Variants in SAR1A observed in about 807,000 individuals in gnomAD.
SAR1A encodes the protein small COPII coat GTPase SAR1A.
SAR1A carries 6 observed loss-of-function variants against 22.6 expected under a neutral mutation model. That is an observed-to-expected ratio of 0.27 (90% CI 0.15 to 0.52). The LOEUF is 0.52. Ranked by LOEUF, SAR1A falls within the 20% of genes least tolerant of loss-of-function variation. The pLI is 0.96. For synonymous variants in SAR1A, 70 were observed against 82.2 expected (o/e 0.85, Z 0.80); for missense variants, 145 against 245.1 (o/e 0.59, Z 2.73).
intron 1 of SAR1A, among the ~76,000 whole-genome samples, chr10:70,169,579 T>A (rs1352928139): frequency 6.6e-6 from 1 of 152,188 alleles, no homozygotes; most frequent in Non-Finnish European, 1.5e-5. Flanking sequence ...ATTAGCCAAT[T>A]TAAAAATTTA....
At chr10:70,166,995 G>A (rs1237725588) in intron 1 of SAR1A, among the ~76,000 whole-genome samples, 1 of 151,704 alleles carries the variant, frequency 6.6e-6, no homozygotes, top group Admixed American at 6.6e-5. Context: ...GCAAGACCCT[G>A]TCTCAAGAAA....
At position 70,152,107 on chromosome 10, in the gene SAR1A, T is replaced by G; in HGVS notation, c.*369A>C. 3.8e-6 allele frequency: 1 copy of G among 266,166 alleles called. No homozygotes were observed. The highest frequency in any genetic ancestry group is 7.6e-6 in the Non-Finnish European group (1 of 131,524). 16.5% of individuals were successfully genotyped at this position (266,166 alleles called of 1,614,324 possible). A position where few individuals can be genotyped will look rare whatever the true frequency, so the allele number is the denominator to read the frequency against. ...TGTGAACTCAAAAAGTTAGGAGGGA[T>G]ACCAATTACATTAACAACGCTTTCT... On this transcript the variant is annotated 3_prime_UTR_variant, in exon 7 of 7. Coordinates refer to ENST00000373241, the MANE Select transcript of SAR1A (RefSeq NM_020150.5).
chr10:70,166,465 T>C (rs1839552097), intron 1 of SAR1A, among the ~76,000 whole-genome samples: 1 of 152,080 alleles, frequency 6.6e-6, no homozygotes, highest in Admixed American at 6.6e-5. Flanking sequence ...TGTAAACAAC[T>C]CTAAAAAACA....
In SAR1A at chr10:70,153,826, T is replaced by C; in HGVS notation, c.480+12A>G. 6.4e-7 allele frequency: 1 copy of C among 1,571,880 alleles called. No individual in the cohort carries two copies. The highest frequency in any genetic ancestry group is 8.6e-7 in the Non-Finnish European group (1 of 1,167,306). ...ATGTCCTTTATATGTAACCCAAATA[T>C]TTTTCTCTTACCTTTCCTGTGGTCT... On this transcript the variant is annotated intron_variant, in intron 6 of 6. Coordinates refer to ENST00000373241, the MANE Select transcript of SAR1A (RefSeq NM_020150.5).
At chr10:70,168,029 C>A (rs2136724804) in intron 1 of SAR1A, among the ~76,000 whole-genome samples, 1 of 152,282 alleles carries the variant, frequency 6.6e-6, no homozygotes, top group South Asian at 2.1e-4. Flanking sequence ...AACCAAACAT[C>A]CTCCTATACT....
chr10:70,161,067 A>T lies in SAR1A; in HGVS notation c.181T>A (p.Ser61Thr). The T allele has an allele frequency of 6.2e-7, 1 of 1,611,398 alleles. No homozygotes were observed. Among genetic ancestry groups the T allele is most frequent in the South Asian group, 1.1e-5 (1 of 90,590 alleles). Reference sequence around the variant, plus strand: ...ATTCCAGCAATTGTTAGCTCTTCTGATGCTGAAAAATTGTTTAAAAAGAAG... The same window carrying T: ...ATTCCAGCAATTGTTAGCTCTTCTGTTGCTGAAAAATTGTTTAAAAAGAAG... ...GQHVPTLHPTSEELTIAGMTF... is the reference protein window; with the variant it reads ...GQHVPTLHPTTEELTIAGMTF... The change falls in exon 4 of 7, where the codon TCA (serine) becomes ACA (threonine). Residue 61 changes from serine to threonine, a missense_variant and splice_region_variant. Coordinates refer to ENST00000373241, the MANE Select transcript of SAR1A (RefSeq NM_020150.5).
chr10:70,166,922 C>T (rs1028491755), intron 1 of SAR1A: 1 of 151,982 alleles, frequency 6.6e-6, no homozygotes, highest in African/African-American at 2.4e-5. Flanking sequence ...ATTGCTTGAG[C>T]CCAGGAATTT....
At chr10:70,168,753 A>G (rs1343820052) in intron 1 of SAR1A, among the ~76,000 whole-genome samples, 1 of 152,136 alleles carries the variant, frequency 6.6e-6, no homozygotes, top group Admixed American at 6.6e-5. Flanking sequence ...TCTTCAGGTG[A>G]GCTAAAAATA....
intron 4 of SAR1A, among the ~76,000 whole-genome samples, chr10:70,159,359 A>T (rs915891152): frequency 2.0e-5 from 3 of 152,210 alleles, no homozygotes; most frequent in Non-Finnish European, 4.4e-5. Flanking sequence ...AGGCTTAACA[A>T]CTAGAAATGA....
In SAR1A at chr10:70,148,812, A is replaced by C. The variant is rs927325512; in HGVS notation, c.*3664T>G. The C allele has an allele frequency of 1.3e-4, 20 of 155,758 alleles. No individual in the cohort carries two copies. Among genetic ancestry groups the C allele is most frequent in the Non-Finnish European group, 2.1e-4 (15 of 71,106 alleles). 9.6% of individuals were successfully genotyped at this position (155,758 alleles called of 1,614,324 possible). On this transcript the variant is annotated 3_prime_UTR_variant, in exon 7 of 7. Coordinates refer to ENST00000373241, the MANE Select transcript of SAR1A (RefSeq NM_020150.5). ...CAAAAAACAAACAAACAAACAAACA[A>C]ACAAACTTTCTCTCTCGAGTCCAGT...
At chr10:70,159,295 AAATT>A (rs1839434923) in intron 4 of SAR1A, among the ~76,000 whole-genome samples, 1 of 152,226 alleles carries the variant, frequency 6.6e-6, no homozygotes, top group African/African-American at 2.4e-5. Flanking sequence ...AATATTAAAT[AAATT>A]AATTAAAATG....
At position 70,152,559 on chromosome 10, in the gene SAR1A, G is replaced by C; in HGVS notation, c.514C>G (p.Pro172Ala). 6.2e-7 allele frequency: 1 copy of C among 1,614,060 alleles called. No homozygotes were observed. The highest frequency in any genetic ancestry group is 8.5e-7 in the Non-Finnish European group (1 of 1,179,986). ...NVTLKELNAR[P>A]MEVFMCSVLK... ...ACACTGCACATGAACACTTCCATGG[G>C]GCGAGCATTCAGCTCCTTCAGGGTC... is the stretch of plus-strand genomic sequence containing the variant. The change falls in exon 7 of 7, where the codon CCC (proline) becomes GCC (alanine). Residue 172 changes from proline (P) to alanine (A), a missense_variant. Pro to Ala is a conservative substitution (Grantham distance 27, BLOSUM62 -1). Around this residue, in one of 3 missense-constraint regions of SAR1A, gnomAD observed 83 missense variants for 114.7 expected, o/e 0.72. Transcript: ENST00000373241.
chr10:70,155,813 GA>G (rs1839380782), intron 5 of SAR1A, among the ~76,000 whole-genome samples: 1 of 152,174 alleles, frequency 6.6e-6, no homozygotes, highest in Non-Finnish European at 1.5e-5. Flanking sequence ...CATATTCAAG[GA>G]TGGCTAAGTT....
rs1380726555 is a variant in SAR1A, at chr10:70,147,595, C to A, written c.*4881G>T. ...AGCATTCTTTAAATATTTTTTCCAA[C>A]CATTTAAATATGTAAAAACCTTTCT... On this transcript the variant is annotated 3_prime_UTR_variant, in exon 7 of 7. Coordinates refer to ENST00000373241, the MANE Select transcript of SAR1A (RefSeq NM_020150.5). 6.6e-6 allele frequency: 1 copy of A among 152,142 alleles called. No individual in the cohort carries two copies. Among genetic ancestry groups the A allele is most frequent in the African/African-American group, 2.4e-5 (1 of 41,428 alleles). 9.4% of individuals were successfully genotyped at this position (152,142 alleles called of 1,614,324 possible). A position where few individuals can be genotyped will look rare whatever the true frequency, so the allele number is the denominator to read the frequency against.
Position 70,170,413 on chromosome 10 carries a change from G to T in SAR1A, c.-17C>A. ...TCCCCGACGCGACCCTCAGACTCAC[G>T]GCCTGAGGGGCTCCTCCGGCAAAAC... On this transcript the variant is annotated splice_region_variant and 5_prime_UTR_variant, in exon 1 of 7. Transcript: ENST00000373241. The T allele has an allele frequency of 6.7e-6, 1 of 149,742 alleles. No homozygotes were observed. The highest frequency in any genetic ancestry group is 1.5e-5 in the Non-Finnish European group (1 of 67,580). 9.3% of individuals were successfully genotyped at this position (149,742 alleles called of 1,614,324 possible).
chr10:70,148,164 C>T lies in SAR1A; in HGVS notation c.*4312G>A, dbSNP rs1839284879. On this transcript the variant is annotated 3_prime_UTR_variant, in exon 7 of 7. Coordinates refer to ENST00000373241, the MANE Select transcript of SAR1A (RefSeq NM_020150.5). ...AAGTGCTGGGATTACAGGCGTGAGC[C>T]ACCGTACCCGGCCATCATTAATTTT... The T allele has an allele frequency of 6.6e-6, 1 of 152,282 alleles. No individual in the cohort carries two copies. Among genetic ancestry groups the T allele is most frequent in the Non-Finnish European group, 1.5e-5 (1 of 68,066 alleles). 9.4% of individuals were successfully genotyped at this position (152,282 alleles called of 1,614,324 possible).
chr10:70,156,658 G>A (rs1839391292), intron 5 of SAR1A, among the ~76,000 whole-genome samples: 1 of 128,804 alleles, frequency 7.8e-6, no homozygotes, highest in Non-Finnish European at 1.7e-5. Context: ...GGGCCACAGA[G>A]GAAGATTCTG....
At chr10:70,162,022 C>A in intron 1 of SAR1A, 91 bp from the exon 2 acceptor site, 1 of 884,036 alleles carries the variant, frequency 1.1e-6, no homozygotes, top group Non-Finnish European at 1.8e-6. Flanking sequence ...CCATGATGCA[C>A]ATTTATAGTC....
At chr10:70,166,401 G>C (rs1839550841) in intron 1 of SAR1A, among the ~76,000 whole-genome samples, 1 of 152,066 alleles carries the variant, frequency 6.6e-6, no homozygotes, top group Admixed American at 6.6e-5. Flanking sequence ...GCACTAAATA[G>C]AAAATAAGAA....
Sources: allele counts gnomAD v4.1 joint callset (sites outside exome capture counted in the v4.1 genomes callset), GRCh38; gene constraint gnomAD v4.1.1; regional missense constraint gnomAD v4.1.1; transcripts MANE v1.5; gene names NCBI Gene and HGNC (gene_info 2026-07-23, HGNC 2026-07-21).